FBXO17: variants seen among roughly 807,000 people sequenced by gnomAD.
FBXO17 encodes F-box only protein 17.
In FBXO17, 43 loss-of-function variants were observed where a neutral mutation model predicts 34.1. The observed-to-expected ratio is 1.26, with a 90% confidence interval of 0.99 to 1.62. The LOEUF is 1.62. Among genes scored for constraint, FBXO17 ranks in the 40% most tolerant of loss-of-function variants. The pLI, the probability that FBXO17 is intolerant of heterozygous loss-of-function variation, is 0.00. For synonymous variants in FBXO17, 169 were observed against 166.0 expected (o/e 1.02, Z -0.14); for missense variants, 424 against 386.7 (o/e 1.10, Z -0.81).
chr19:38,947,602 A>G (rs1975004533), intron 3 of FBXO17, among the ~76,000 whole-genome samples: 1 of 152,114 alleles, frequency 6.6e-6, no homozygotes, highest in Admixed American at 6.5e-5. Flanking sequence ...ACAAAAACAA[A>G]AACAAAAAAA....
At chr19:38,943,868 G>T (rs1349130722) in intron 5 of FBXO17, among the ~76,000 whole-genome samples, 1 of 152,180 alleles carries the variant, frequency 6.6e-6, no homozygotes, top group Non-Finnish European at 1.5e-5. Context: ...GAGATTACAG[G>T]CATGAGCCAC....
chr19:38,960,996 C>T (rs551527537), intron 1 of FBXO17, among the ~76,000 whole-genome samples: 20 of 151,592 alleles, frequency 1.3e-4, no homozygotes, highest in Non-Finnish European at 1.8e-4. Context: ...TTAGTAGAGA[C>T]GGGGTTTCAC....
rs1483239838 is a variant in FBXO17 at position 38,950,182 on chromosome 19, G to A, written c.138C>T (p.Cys46=). 3 of 1,557,844 alleles carry A rather than the reference G, an allele frequency of 1.9e-6. No homozygotes were observed. The highest frequency in any genetic ancestry group is 2.4e-5 in the East Asian group (1 of 41,630). ...RSLVTRCRPV[C]RAWRDIVDGP... The stretch of plus-strand genomic sequence containing the variant: ...CGTCCACTATGTCGCGCCAGGCGCG[G>A]CACACTGGGCGGCATCGCGTGACCA... Residue 46 remains cysteine (C), a synonymous_variant, in exon 2 of 6, where the codon TGC becomes TGT. Transcript: ENST00000292852.
chr19:38,946,913 G>C, intron 3 of FBXO17: 1 of 270,620 alleles, frequency 3.7e-6, no homozygotes, highest in Non-Finnish European at 7.1e-6. Context: ...CGGGTCTAAA[G>C]CTGGACAGCC....
At chr19:38,953,210 GGTGGGATGATC>G (rs939142913) in intron 1 of FBXO17, among the ~76,000 whole-genome samples, 1 of 152,106 alleles carries the variant, frequency 6.6e-6, no homozygotes, top group African/African-American at 2.4e-5. Flanking sequence ...CAGAGGTTAA[GGTGGGATGATC>G]GCTGGAGCCC....
At chr19:38,948,487 TGAG>T in intron 3 of FBXO17, 77 bp downstream of exon 3, 1 of 1,029,644 alleles carries the variant, frequency 9.7e-7, no homozygotes, top group South Asian at 1.5e-5. Flanking sequence ...AAGGTGACGA[TGAG>T]GACAGTGTGG....
intron 1 of FBXO17, among the ~76,000 whole-genome samples, chr19:38,955,864 A>T (rs1365408506): frequency 1.3e-5 from 2 of 152,132 alleles, no homozygotes; most frequent in Non-Finnish European, 2.9e-5. Flanking sequence ...CCTTTCTGAA[A>T]ATGGGGCTGC....
chr19:38,974,684 T>C (rs1171788038), intron 1 of FBXO17, among the ~76,000 whole-genome samples: 1 of 152,128 alleles, frequency 6.6e-6, no homozygotes, highest in Non-Finnish European at 1.5e-5. Context: ...CTGTAAAGAT[T>C]TGGAAATAGA....
chr19:38,966,431 C>T (rs1040422387), intron 1 of FBXO17, among the ~76,000 whole-genome samples: 1 of 151,950 alleles, frequency 6.6e-6, no homozygotes, highest in African/African-American at 2.4e-5. Flanking sequence ...AGCCACCGAG[C>T]CTGGCCTCAA....
chr19:38,951,142 T>A (rs1054308626), intron 1 of FBXO17, among the ~76,000 whole-genome samples: 2 of 152,042 alleles, frequency 1.3e-5, no homozygotes, highest in South Asian at 4.1e-4. Flanking sequence ...GACAAAGAAG[T>A]CATCAACCTC....
At chr19:38,958,594 C>T (rs1975202160) in intron 1 of FBXO17, among the ~76,000 whole-genome samples, 1 of 152,020 alleles carries the variant, frequency 6.6e-6, no homozygotes, top group Admixed American at 6.6e-5. Flanking sequence ...CAAGTAGGGC[C>T]TAGTATTGCC....
Position 38,942,561 on chromosome 19 carries a change from G to A in FBXO17, c.*47C>T, listed in dbSNP as rs770930701. 1 of 1,486,304 alleles carries A rather than the reference G, an allele frequency of 6.7e-7. No individual in the cohort carries two copies. Among genetic ancestry groups the A allele is most frequent in the Non-Finnish European group, 8.9e-7 (1 of 1,122,154 alleles). 92.1% of individuals were successfully genotyped at this position (1,486,304 alleles called of 1,614,324 possible). A position where few individuals can be genotyped will look rare whatever the true frequency, so the allele number is the denominator to read the frequency against. On this transcript the variant is annotated 3_prime_UTR_variant, in exon 6 of 6. Coordinates refer to ENST00000292852, the MANE Select transcript of FBXO17 (RefSeq NM_024907.7). Reference sequence around the variant, plus strand: ...CCACAGGTGTGAGCCACTGCACCTGGCTGCAAGGCTGGTCTTGACTGACAA... The same window carrying A: ...CCACAGGTGTGAGCCACTGCACCTGACTGCAAGGCTGGTCTTGACTGACAA...
At chr19:38,951,725 C>G (rs547424520) in intron 1 of FBXO17, among the ~76,000 whole-genome samples, 12 of 149,808 alleles carry the variant, frequency 8.0e-5, no homozygotes, top group African/African-American at 3.0e-4. Context: ...TCTCGGCTCA[C>G]TGCAACCTCT....
At chr19:38,960,234 T>C (rs1411501323) in intron 1 of FBXO17, among the ~76,000 whole-genome samples, 1 of 152,120 alleles carries the variant, frequency 6.6e-6, no homozygotes, top group African/African-American at 2.4e-5. Context: ...ACCAGTTTGT[T>C]TTTGGTCTGT....
chr19:38,964,147 T>C (rs1365928934), intron 1 of FBXO17, among the ~76,000 whole-genome samples: 2 of 152,132 alleles, frequency 1.3e-5, no homozygotes, highest in African/African-American at 2.4e-5. Flanking sequence ...CAGGTGTATA[T>C]TTAACGTTAC....
intron 5 of FBXO17, among the ~76,000 whole-genome samples, chr19:38,944,278 A>C (rs1022852878): frequency 6.6e-6 from 1 of 150,716 alleles, no homozygotes; most frequent in African/African-American, 2.4e-5. Context: ...TATTATTATT[A>C]TTATTTTTAG....
At chr19:38,974,027 T>G (rs1337740126) in intron 1 of FBXO17, among the ~76,000 whole-genome samples, 27 of 125,592 alleles carry the variant, frequency 2.1e-4, no homozygotes. Flanking sequence ...TGTATATATA[T>G]ATATACATAT....
intron 1 of FBXO17, among the ~76,000 whole-genome samples, chr19:38,963,438 G>A (rs1975280043): frequency 1.3e-5 from 2 of 151,782 alleles, no homozygotes; most frequent in Admixed American, 1.3e-4. Context: ...GGGACCACAG[G>A]TGCACCCCAC....
rs746156811 is a variant in FBXO17 at position 38,946,471 on chromosome 19, C to T, written c.557+1G>A. On this transcript the variant is annotated splice_donor_variant, in intron 4 of 5. Transcript: ENST00000292852. LOFTEE classifies it high-confidence loss of function. ...GGGGCAGGGTGCCGCTCCTCACTCA[C>T]CAGTCAGCCACACAGATCTCAATCT... 3 of 1,614,024 alleles carry T rather than the reference C, an allele frequency of 1.9e-6. No homozygotes were observed. The South Asian group carries it at 3.3e-5, about 18-fold the overall frequency.
Sources: gnomAD v4.1 joint callset for allele counts (sites outside exome capture counted in the v4.1 genomes callset) on GRCh38, gnomAD v4.1.1 for gene constraint, MANE v1.5 for transcripts, NCBI Gene and HGNC (gene_info 2026-07-23, HGNC 2026-07-21) for gene names.